The following TCERG1 variants were observed in gnomAD, a reference collection of about 807,000 sequenced individuals.
The protein encoded by TCERG1 is TATA box binding protein (TBP)-associated factor, RNA polymerase II, S, 150kD.
In TCERG1, 37 loss-of-function variants were observed where a neutral mutation model predicts 144.7. That is an observed-to-expected ratio of 0.26 (90% CI 0.20 to 0.34). The LOEUF is 0.34. Ranked by LOEUF, TCERG1 falls within the 10% of genes least tolerant of loss-of-function variation. The pLI, the probability that TCERG1 is intolerant of heterozygous loss-of-function variation, is 1.00. For synonymous variants in TCERG1, 492 were observed against 458.2 expected (o/e 1.07, Z -0.94); for missense variants, 1,027 against 1,380.7 (o/e 0.74, Z 4.06).
In TCERG1 at chr5:146,507,740, A is replaced by G. The variant is rs1427448893; in HGVS notation, c.2962-133A>G. On this transcript the variant is annotated intron_variant, in intron 20 of 22. Transcript: ENST00000679501. This position sits in a 1 kb window ranked among gnomAD's most constrained non-coding sequence, Gnocchi z 4.6. ...CATTAACGCTGCTTCCCTGTCCCTA[A>G]CTAGTCCAGTTACGCTTGGGCATTA... 3 of 559,316 alleles carry G rather than the reference A, an allele frequency of 5.4e-6. No individual in the cohort carries two copies. Among genetic ancestry groups the G allele is most frequent in the Admixed American group, 3.6e-5 (1 of 27,814 alleles). 34.6% of individuals were successfully genotyped at this position (559,316 alleles called of 1,614,324 possible). A position where few individuals can be genotyped will look rare whatever the true frequency, so the allele number is the denominator to read the frequency against.
At chr5:146,492,817 A>T in intron 15 of TCERG1, 103 bp from the exon 16 acceptor site, 1 of 778,756 alleles carries the variant, frequency 1.3e-6, no homozygotes, top group Non-Finnish European at 2.1e-6. Context: ...CAGTTAATAT[A>T]TTTTTCCTGG....
intron 2 of TCERG1, among the ~76,000 whole-genome samples, chr5:146,455,914 T>G (rs1379973352): frequency 6.6e-6 from 1 of 152,178 alleles, no homozygotes; most frequent in African/African-American, 2.4e-5. Flanking sequence ...TGAGGTGAGG[T>G]CATGAAGGTA....
intron 16 of TCERG1, among the ~76,000 whole-genome samples, chr5:146,495,149 T>C (rs773974771): frequency 9.2e-5 from 14 of 152,228 alleles, no homozygotes; most frequent in Non-Finnish European, 1.8e-4. Context: ...TATGCTTTAA[T>C]CATAACAATG....
chr5:146,482,053 C>A (rs918201564), intron 13 of TCERG1: 13 of 152,142 alleles, frequency 8.5e-5, no homozygotes, highest in African/African-American at 3.1e-4. Context: ...TACATATTCA[C>A]TTGGCCAAGA....
At chr5:146,505,941 T>G (rs1201269511) in intron 19 of TCERG1, among the ~76,000 whole-genome samples, 1 of 151,964 alleles carries the variant, frequency 6.6e-6, no homozygotes, top group Non-Finnish European at 1.5e-5. Flanking sequence ...CACACACAGC[T>G]CATTTTTGTA....
In TCERG1 at chr5:146,482,609, A is replaced by T; in HGVS notation, c.1955A>T (p.Asp652Val). 1 of 1,612,504 alleles carries T rather than the reference A, an allele frequency of 6.2e-7. No homozygotes were observed. The highest frequency in any genetic ancestry group is 8.5e-7 in the Non-Finnish European group (1 of 1,179,084). ...ASLFRRDDNK[D>V]IDSEKEAAME... ...TTTTATAGGAGAGACGATAATAAAGACATTGACTCAGAGAAAGAAGCTGCC... is the reference window on the plus strand; with the variant it reads ...TTTTATAGGAGAGACGATAATAAAGTCATTGACTCAGAGAAAGAAGCTGCC... The change falls in exon 14 of 23, where the codon GAC becomes GTC. Residue 652 changes from aspartate to valine, a missense_variant. Transcript: ENST00000679501.
At chr5:146,479,630 A>G (rs1363159434) in intron 10 of TCERG1, among the ~76,000 whole-genome samples, 1 of 152,178 alleles carries the variant, frequency 6.6e-6, no homozygotes, top group South Asian at 2.1e-4. Flanking sequence ...TTTATTTTAT[A>G]TATTTGTAAA....
intron 15 of TCERG1, among the ~76,000 whole-genome samples, chr5:146,484,065 C>G (rs1765597839): frequency 6.6e-6 from 1 of 152,070 alleles, no homozygotes; most frequent in South Asian, 2.1e-4. Flanking sequence ...TACTGAACAG[C>G]CTTCTTGACC....
chr5:146,471,555 C>T lies in TCERG1; in HGVS notation c.1580C>T (p.Ala527Val), dbSNP rs1218620347. Reference sequence around the variant, plus strand: ...CAGAAGGCAAAGCCAGTTGCTACTGCTCCTATTCCTGGTACTCCATGGTAT... The same window carrying T: ...CAGAAGGCAAAGCCAGTTGCTACTGTTCCTATTCCTGGTACTCCATGGTAT... ...AAQKAKPVAT[A>V]PIPGTPWCVV... Residue 527 changes from alanine to valine, a missense_variant, in exon 9 of 23, where the codon GCT (alanine) becomes GTT (valine). This residue lies in a region of TCERG1 where 482 missense variants were observed against 632.6 expected (regional missense o/e 0.76). Transcript: ENST00000679501. The T allele has an allele frequency of 6.2e-7, 1 of 1,613,474 alleles. No individual in the cohort carries two copies.
chr5:146,497,469 T>C (rs1767033963), intron 16 of TCERG1, among the ~76,000 whole-genome samples: 1 of 152,188 alleles, frequency 6.6e-6, no homozygotes, highest in Non-Finnish European at 1.5e-5. Context: ...TTTAAAGTTA[T>C]TGTCTACTTA....
At chr5:146,460,259 A>G (rs1038660118) in intron 4 of TCERG1, among the ~76,000 whole-genome samples, 4 of 152,132 alleles carry the variant, frequency 2.6e-5, no homozygotes, top group Non-Finnish European at 4.4e-5. Context: ...TAAGAGAGGG[A>G]CACAGCTATT....
Position 146,507,224 on chromosome 5 carries a change from T to C in TCERG1, c.2961+17T>C. On this transcript the variant is annotated intron_variant, in intron 20 of 22. Transcript: ENST00000679501. This position sits in a 1 kb window ranked among gnomAD's most constrained non-coding sequence, Gnocchi z 4.6. The stretch of plus-strand genomic sequence containing the variant: ...ACTTCTGCAGTAAGAATCTCTTATT[T>C]TTCTCATTTTAATCTGGATGAATCT... 1 of 1,555,168 alleles carries C rather than the reference T, an allele frequency of 6.4e-7. No homozygotes were observed. The highest frequency in any genetic ancestry group is 2.1e-5 in the Admixed American group (1 of 48,550).
At position 146,507,140 on chromosome 5, in the gene TCERG1, A is replaced by C; in HGVS notation, c.2894A>C (p.Glu965Ala). Residue 965 changes from glutamate to alanine, a missense_variant, in exon 20 of 23, where the codon GAA becomes GCA. Physicochemically the swap from Glu to Ala is moderately radical, Grantham distance 107 (BLOSUM62 -1). Coordinates refer to ENST00000679501, the MANE Select transcript of TCERG1 (RefSeq NM_001382548.1). This position sits in a 1 kb window ranked among gnomAD's most constrained non-coding sequence, Gnocchi z 4.6. ...EREEKEKLFN[E>A]HIEALTKKKR... ...GAGGAGAAAGAGAAGCTTTTTAATGAACACATTGAAGCACTTACCAAAAAA... is the reference window on the plus strand; with the variant it reads ...GAGGAGAAAGAGAAGCTTTTTAATGCACACATTGAAGCACTTACCAAAAAA... The C allele has an allele frequency of 6.2e-7, 1 of 1,613,634 alleles. No homozygotes were observed. Among genetic ancestry groups the C allele is most frequent in the South Asian group, 1.1e-5 (1 of 90,964 alleles).
chr5:146,479,768 T>C, intron 10 of TCERG1, 87 bp from the exon 11 acceptor site: 2 of 1,296,376 alleles, frequency 1.5e-6, no homozygotes, highest in South Asian at 2.5e-5. Context: ...GAGGTGAATA[T>C]ATTATGTAAA....
Position 146,460,603 on chromosome 5 carries a change from G to A in TCERG1, c.892+1266G>A, listed in dbSNP as rs77457720. Among the ~76,000 whole-genome samples, 517 of 152,148 alleles carry A rather than the reference G, an allele frequency of 3.4e-3. 29 individuals carry two copies. The East Asian group carries it at 0.089, about 26-fold the overall frequency. ...GGAATTATTAGTGTGTAAGAAATAC[G>A]TATAAGAGAGAAATTAATTCACATT... On this transcript the variant is annotated intron_variant, in intron 4 of 22. Transcript: ENST00000679501.
chr5:146,461,088 T>C (rs893231567), intron 4 of TCERG1, among the ~76,000 whole-genome samples: 2 of 152,172 alleles, frequency 1.3e-5, no homozygotes, highest in Non-Finnish European at 2.9e-5. Context: ...AGCTAGATAA[T>C]TTAACCATAC....
chr5:146,462,966 C>T (rs1401418793), intron 4 of TCERG1, among the ~76,000 whole-genome samples: 2 of 152,158 alleles, frequency 1.3e-5, no homozygotes, highest in Non-Finnish European at 2.9e-5. Context: ...TTGTATTCTA[C>T]TAGATAATTT....
intron 1 of TCERG1, among the ~76,000 whole-genome samples, chr5:146,447,994 A>G (rs1762040409): frequency 6.6e-6 from 1 of 152,188 alleles, no homozygotes; most frequent in African/African-American, 2.4e-5. Flanking sequence ...TGTGAGTAAC[A>G]ACAACAGTAG....
rs779363287 is a variant in TCERG1, at chr5:146,463,556, A to G, written c.898A>G (p.Thr300Ala). ...TSVAQTVSTPTTQDQTPSSAV... is the reference protein window; with the variant it reads ...TSVAQTVSTPATQDQTPSSAV... ...TTTGTTTTATCTTTTATCAGCACCC[A>G]CAACACAAGATCAGACCCCAAGTTC... The change falls in exon 5 of 23, where the codon ACA becomes GCA. Residue 300 changes from threonine (T) to alanine (A), a missense_variant. By Grantham distance (58) the Thr-to-Ala change is moderately conservative. This residue lies in a region of TCERG1 where 187 missense variants were observed against 169.1 expected (regional missense o/e 1.11). Coordinates refer to ENST00000679501, the MANE Select transcript of TCERG1 (RefSeq NM_001382548.1). 47 of 1,614,086 alleles carry G rather than the reference A, an allele frequency of 2.9e-5. No individual in the cohort carries two copies. The highest frequency in any genetic ancestry group is 3.8e-5 in the Non-Finnish European group (45 of 1,180,034).
Sources: allele counts gnomAD v4.1 joint callset (sites outside exome capture counted in the v4.1 genomes callset), GRCh38; gene constraint gnomAD v4.1.1; regional missense constraint gnomAD v4.1.1; non-coding constraint Gnocchi (gnomAD v3.1); transcripts MANE v1.5; gene names NCBI Gene and HGNC (gene_info 2026-07-23, HGNC 2026-07-21).